Variants in COL4A6 observed in about 807,000 individuals in gnomAD.
COL4A6 encodes collagen alpha-6(IV) chain.
In COL4A6, 59 loss-of-function variants were observed where a neutral mutation model predicts 126.7. The ratio of observed to expected loss-of-function variants is 0.47; its 90% CI spans 0.38 to 0.58. COL4A6 has a LOEUF of 0.58. COL4A6 is among the 20% of genes least tolerant of loss of function. The pLI is 0.00. For missense variants in COL4A6, 1,285 were observed against 1,337.3 expected, an observed-to-expected ratio of 0.96 and a Z score of 0.61; for synonymous variants, 547 against 496.6, an observed-to-expected ratio of 1.10 and a Z score of -1.35.
At chrX:108,438,710 G>A (rs2064320977), upstream of COL4A6, among the ~76,000 whole-genome samples, 1 of 112,960 alleles carries the variant, frequency 8.9e-6, no homozygotes, top group African/African-American at 3.2e-5. Context: ...AAGTGCCCTT[G>A]CACACATGCC....
chrX:108,408,569 CAA>C (rs746124779), intron 2 of COL4A6, among the ~76,000 whole-genome samples: 14 of 111,853 alleles, frequency 1.3e-4, no homozygotes, highest in Admixed American at 1.1e-3. Flanking sequence ...TATACACCAA[CAA>C]AAGACTACGA....
At chrX:108,383,023 A>T (rs2040597329) in intron 2 of COL4A6, among the ~76,000 whole-genome samples, 1 of 105,830 alleles carries the variant, frequency 9.4e-6, no homozygotes, top group Non-Finnish European at 1.9e-5. Flanking sequence ...ATTAATTCCA[A>T]AAAGGCAAGA....
intron 2 of COL4A6, among the ~76,000 whole-genome samples, chrX:108,390,346 C>T (rs982391360): frequency 1.8e-5 from 2 of 110,529 alleles, no homozygotes; most frequent in African/African-American, 3.3e-5. Flanking sequence ...TTTCATTCTC[C>T]CCATCATTTT....
intron 3 of COL4A6, among the ~76,000 whole-genome samples, chrX:108,241,584 A>G (rs2036575426): frequency 9.6e-6 from 1 of 104,538 alleles, no homozygotes; most frequent in South Asian, 4.2e-4. Context: ...GCCCTGAACA[A>G]AAAGTGTTCT....
At chrX:108,337,617 G>A (rs890453751) in intron 2 of COL4A6, among the ~76,000 whole-genome samples, 6 of 112,643 alleles carry the variant, frequency 5.3e-5, no homozygotes, top group Non-Finnish European at 7.5e-5. Flanking sequence ...TATTAGCTGT[G>A]TAATCTTGGG....
At chrX:108,241,955 C>T (rs1342562798) in intron 3 of COL4A6, among the ~76,000 whole-genome samples, 1 of 106,723 alleles carries the variant, frequency 9.4e-6, no homozygotes, top group Non-Finnish European at 1.9e-5. Flanking sequence ...TTGGTAGATA[C>T]TATTAACAAA....
chrX:108,214,209 C>G lies in COL4A6; in HGVS notation c.344G>C (p.Gly115Ala). The G allele has an allele frequency of 8.3e-7, 1 of 1,204,970 alleles. No homozygotes were observed. The highest frequency in any genetic ancestry group is 1.1e-6 in the Non-Finnish European group (1 of 891,739). The change falls in exon 6 of 45, where the codon GGC becomes GCC. Residue 115 changes from glycine to alanine, a missense_variant. Physicochemically the swap from Gly to Ala is moderately conservative, Grantham distance 60. Transcript: ENST00000334504. ...ATCCAGACCAGGTGGGCCTCTGGGG[C>G]CTGGTTGTCCAGGGTGGCCCTGTTC... ...NGIPGHPGQPGPRGPPGLDGC... is the reference protein window; with the variant it reads ...NGIPGHPGQPAPRGPPGLDGC...
intron 3 of COL4A6, among the ~76,000 whole-genome samples, chrX:108,238,669 C>T (rs1402825617): frequency 1.1e-4 from 12 of 108,785 alleles, no homozygotes; most frequent in Admixed American, 1.0e-3. Flanking sequence ...AAAACATCCC[C>T]GTAAGTGTCC....
chrX:108,179,494 G>T, intron 25 of COL4A6, 56 bp from the exon 26 acceptor site: 1 of 941,912 alleles, frequency 1.1e-6, no homozygotes, highest in Non-Finnish European at 1.5e-6. Flanking sequence ...CAATTTGTCT[G>T]AGTACAGATC....
intron 2 of COL4A6, among the ~76,000 whole-genome samples, chrX:108,340,453 C>T (rs1020576535): frequency 9.0e-6 from 1 of 111,414 alleles, no homozygotes; most frequent in Non-Finnish European, 1.9e-5. Flanking sequence ...TTCAACTTTA[C>T]TATATATTGG....
chrX:108,406,475 C>T (rs925902400), intron 2 of COL4A6, among the ~76,000 whole-genome samples: 1 of 112,228 alleles, frequency 8.9e-6, no homozygotes, highest in African/African-American at 3.2e-5. Flanking sequence ...TATCTGTTAT[C>T]CAAGGTCCTC....
intron 2 of COL4A6, among the ~76,000 whole-genome samples, chrX:108,389,371 A>G (rs183262459): frequency 3.1e-3 from 347 of 111,638 alleles, no homozygotes; most frequent in Non-Finnish European, 5.2e-3. Flanking sequence ...GCAGGTGTCA[A>G]AGAACTTGCT....
In COL4A6 at chrX:108,403,111, G is replaced by A. The variant is rs140128748; in HGVS notation, c.63+34831C>T. On this transcript the variant is annotated intron_variant, in intron 2 of 44. Coordinates refer to ENST00000334504, the MANE Select transcript of COL4A6 (RefSeq NM_033641.4). ...TTAAATTTTGCATTCCATTTCGATCGGTAAGTGATCTGCTTTCAGTGTAAT... is the reference window on the plus strand; with the variant it reads ...TTAAATTTTGCATTCCATTTCGATCAGTAAGTGATCTGCTTTCAGTGTAAT... Among the ~76,000 whole-genome samples the A allele has an allele frequency of 8.9e-3, 983 of 110,107 alleles. 7 individuals carry two copies. The highest frequency in any genetic ancestry group is 0.015 in the Non-Finnish European group (778 of 52,533).
At chrX:108,263,758 G>A (rs1473428366) in intron 3 of COL4A6, among the ~76,000 whole-genome samples, 1 of 111,647 alleles carries the variant, frequency 9.0e-6, no homozygotes. Context: ...TAGTTTGGGG[G>A]TAGATCCCAG....
At chrX:108,379,912 C>T (rs2040527599) in intron 2 of COL4A6, among the ~76,000 whole-genome samples, 1 of 111,317 alleles carries the variant, frequency 9.0e-6, no homozygotes, top group Non-Finnish European at 1.9e-5. Flanking sequence ...GCCCCTGACC[C>T]TGTTTGTGTC....
At chrX:108,166,313 T>C (rs1025601774) in intron 37 of COL4A6, among the ~76,000 whole-genome samples, 1 of 112,611 alleles carries the variant, frequency 8.9e-6, no homozygotes, top group Non-Finnish European at 1.9e-5. Flanking sequence ...GTAATCTTGA[T>C]GGGAAAACAC....
chrX:108,240,341 C>A (rs763637738), intron 3 of COL4A6, among the ~76,000 whole-genome samples: 194 of 112,243 alleles, frequency 1.7e-3, no homozygotes, highest in African/African-American at 6.0e-3. Flanking sequence ...TCATCTCATC[C>A]ATTAACGTTG....
intron 3 of COL4A6, among the ~76,000 whole-genome samples, chrX:108,273,966 G>A (rs1222394718): frequency 1.8e-5 from 2 of 112,128 alleles, no homozygotes. Context: ...GTTTTCTATG[G>A]CTGTGTAACA....
At chrX:108,338,662 T>C (rs1421187108) in intron 2 of COL4A6, among the ~76,000 whole-genome samples, 1 of 111,809 alleles carries the variant, frequency 8.9e-6, no homozygotes, top group African/African-American at 3.2e-5. Flanking sequence ...GAGCTGTCTC[T>C]AGCCCTTCTG....
Sources: allele counts gnomAD v4.1 joint callset (sites outside exome capture counted in the v4.1 genomes callset), GRCh38; gene constraint gnomAD v4.1.1; transcripts MANE v1.5; gene names NCBI Gene and HGNC (gene_info 2026-07-23, HGNC 2026-07-21).